The following RIMS1 variants were observed in gnomAD, a reference collection of about 807,000 sequenced individuals.
RIMS1 encodes the protein regulating synaptic membrane exocytosis protein 1.
In RIMS1, 83 loss-of-function variants were observed where a neutral mutation model predicts 214.1. The ratio of observed to expected loss-of-function variants is 0.39; its 90% CI spans 0.32 to 0.47. The LOEUF is 0.47. Ranked by LOEUF, RIMS1 falls within the 20% of genes least tolerant of loss-of-function variation. The probability of loss-of-function intolerance (pLI) is 0.99; values close to 1 mark genes in which losing one functional copy is unlikely to be tolerated. For synonymous variants in RIMS1, 793 were observed against 786.8 expected, an observed-to-expected ratio of 1.01 and a Z score of -0.13; for missense variants, 2,050 against 2,161.8, an observed-to-expected ratio of 0.95 and a Z score of 1.03.
At position 71,979,436 on chromosome 6, in the gene RIMS1, C is replaced by T. The variant is rs185562997; in HGVS notation, c.245+10373C>T. Among the ~76,000 whole-genome samples, 5 of 152,154 alleles carry T rather than the reference C, an allele frequency of 3.3e-5. No homozygotes were observed. In the East Asian group the frequency reaches 9.7e-4, roughly 29 times the overall value. ...AGGGGAAGATAACTGAACTCTAGAC[C>T]TGAAAATCCGTGAAATTTTAGTCAT... is the stretch of plus-strand genomic sequence containing the variant. On this transcript the variant is annotated intron_variant, in intron 2 of 33. Transcript: ENST00000521978.
chr6:72,289,207 A>G lies in RIMS1; in HGVS notation c.3555-1472A>G, dbSNP rs80023919. ...GAAATTTCTCAGTACTAAGGTGAAA[A>G]CTGTATAATTCCATTTGCGAGCCAC... On this transcript the variant is annotated intron_variant, in intron 24 of 33. Transcript: ENST00000521978. 2.9e-3 allele frequency among the ~76,000 whole-genome samples: 436 copies of G among 152,278 alleles called. 2 individuals carry two copies. Among genetic ancestry groups the G allele is most frequent in the African/African-American group, 0.01 (426 of 41,554 alleles).
At chr6:72,020,922 T>C (rs1468451324) in intron 2 of RIMS1, among the ~76,000 whole-genome samples, 3 of 152,244 alleles carry the variant, frequency 2.0e-5, no homozygotes, top group Non-Finnish European at 1.5e-5. Flanking sequence ...TCTTTTAATA[T>C]GTTATCACTG....
At chr6:72,259,566 T>TATTA (rs2077128471) in intron 18 of RIMS1, among the ~76,000 whole-genome samples, 1 of 152,158 alleles carries the variant, frequency 6.6e-6, no homozygotes, top group South Asian at 2.1e-4. Flanking sequence ...ATAATAATGT[T>TATTA]TCTGTTATAT....
At chr6:71,963,589 T>C (rs943597317) in intron 1 of RIMS1, among the ~76,000 whole-genome samples, 1 of 152,174 alleles carries the variant, frequency 6.6e-6, no homozygotes, top group Non-Finnish European at 1.5e-5. Flanking sequence ...TTTCACTGGT[T>C]CAAAGCAGTA....
At chr6:71,998,372 A>G (rs754293370) in intron 2 of RIMS1, among the ~76,000 whole-genome samples, 1 of 152,076 alleles carries the variant, frequency 6.6e-6, no homozygotes, top group Non-Finnish European at 1.5e-5. Flanking sequence ...GCAGCGCTAG[A>G]GCAGCACTGT....
intron 1 of RIMS1, among the ~76,000 whole-genome samples, chr6:71,945,603 A>G (rs963305457): frequency 2.0e-5 from 3 of 152,154 alleles, no homozygotes; most frequent in Non-Finnish European, 4.4e-5. Flanking sequence ...CTAAGATCAG[A>G]AACAAGACAA....
chr6:72,148,230 A>C (rs2043009750), intron 4 of RIMS1, among the ~76,000 whole-genome samples: 1 of 152,184 alleles, frequency 6.6e-6, no homozygotes, highest in Non-Finnish European at 1.5e-5. Context: ...AAAAGGAAAA[A>C]GAAAGCATTT....
rs70994109 is a variant in RIMS1 at position 71,992,404 on chromosome 6, C to CTCTTTCTTTCTTTCTTTCTT, written c.245+23369_245+23388dup. Among the ~76,000 whole-genome samples the CTCTTTCTTTCTTTCTTTCTT allele has an allele frequency of 3.7e-3, 410 of 110,150 alleles. 1 individual carries two copies. Among genetic ancestry groups the CTCTTTCTTTCTTTCTTTCTT allele is most frequent in the Middle Eastern group, 0.028 (6 of 218 alleles). The allele number at this position is 110,150 out of a possible 152,430, so 72.3% of individuals were successfully genotyped here. On this transcript the variant is annotated intron_variant, in intron 2 of 33. Coordinates refer to ENST00000521978, the MANE Select transcript of RIMS1 (RefSeq NM_014989.7). ...TGCTTGCTTCTTTCTTTCTCTCTCTCTCTTTCTTTCTTTCTTTCTTTCTTT... is the reference window on the plus strand; with the variant it reads ...TGCTTGCTTCTTTCTTTCTCTCTCTCTCTTTCTTTCTTTCTTTCTTTCTTTCTTTCTTTCTTTCTTTCTTT...
At chr6:72,184,763 GA>G (rs397967233) in intron 6 of RIMS1, among the ~76,000 whole-genome samples, 1,375 of 137,272 alleles carry the variant, frequency 0.01, 10 homozygotes, top group African/African-American at 0.025. Flanking sequence ...TTTATTCTGG[GA>G]AAAAAAAAAA....
Position 72,093,228 on chromosome 6 carries a change from A to ATATAT in RIMS1, c.246-3721_246-3720insTATAT, listed in dbSNP as rs200655727. Among the ~76,000 whole-genome samples the ATATAT allele has an allele frequency of 2.0e-4, 27 of 137,034 alleles. 2 individuals are homozygous for ATATAT. Among genetic ancestry groups the ATATAT allele is most frequent in the South Asian group, 7.0e-4 (3 of 4,268 alleles). 89.9% of individuals were successfully genotyped at this position (137,034 alleles called of 152,430 possible). On this transcript the variant is annotated intron_variant, in intron 2 of 33. Transcript: ENST00000521978. ...TATGTGAGTATATATATATATATATAAAAACATGTGTGTATATATGTATAT... is the reference window on the plus strand; with the variant it reads ...TATGTGAGTATATATATATATATATATATATAAAACATGTGTGTATATATGTATAT...
chr6:72,250,968 C>A lies in RIMS1; in HGVS notation c.2420C>A (p.Pro807Gln). The A allele has an allele frequency of 1.3e-6, 2 of 1,541,490 alleles. No individual in the cohort carries two copies. Among genetic ancestry groups the A allele is most frequent in the African/African-American group, 1.4e-5 (1 of 72,568 alleles). Residue 807 changes from proline to glutamine, a missense_variant, in exon 14 of 34, where the codon CCA (proline) becomes CAA (glutamine). Physicochemically the swap from Pro to Gln is moderately conservative, Grantham distance 76. Transcript: ENST00000521978. ...AAAACAGTAAAGAAAATACTAGAAC[C>A]AAAATGGAATCAAACTTTTGTCTAT... is the stretch of plus-strand genomic sequence containing the variant. ...RTKTVKKILEPKWNQTFVYSH... is the reference protein window; with the variant it reads ...RTKTVKKILEQKWNQTFVYSH...
At chr6:72,228,152 A>T (rs1479300431) in intron 6 of RIMS1, among the ~76,000 whole-genome samples, 1 of 151,944 alleles carries the variant, frequency 6.6e-6, no homozygotes, top group Non-Finnish European at 1.5e-5. Context: ...CTTTTTTGTA[A>T]TAAGAACACT....
Position 71,969,015 on chromosome 6 carries a change from C to T in RIMS1, c.197C>T (p.Ala66Val). 6.2e-7 allele frequency: 1 copy of T among 1,614,002 alleles called. No homozygotes were observed. The highest frequency in any genetic ancestry group is 2.2e-5 in the East Asian group (1 of 44,888). ...GTCAGGGACATGGCGAAGCCTGCTGCCTGCAAAACACCAAGAAATGCTGAA... is the reference window on the plus strand; with the variant it reads ...GTCAGGGACATGGCGAAGCCTGCTGTCTGCAAAACACCAAGAAATGCTGAA... ...CVVRDMAKPAACKTPRNAENQ... is the reference protein window; with the variant it reads ...CVVRDMAKPAVCKTPRNAENQ... The change falls in exon 2 of 34, where the codon GCC (alanine) becomes GTC (valine). Residue 66 changes from alanine (A) to valine (V), a missense_variant. Ala to Val is a moderately conservative substitution (Grantham distance 64). This residue lies in a region of RIMS1 where 882 missense variants were observed against 828.9 expected (regional missense o/e 1.06). Coordinates refer to ENST00000521978, the MANE Select transcript of RIMS1 (RefSeq NM_014989.7).
At chr6:72,154,257 CCTT>C (rs1382841900) in intron 4 of RIMS1, among the ~76,000 whole-genome samples, 3 of 140,720 alleles carry the variant, frequency 2.1e-5, no homozygotes, top group African/African-American at 7.4e-5. Flanking sequence ...GTTTTTGGCT[CCTT>C]CTATGAAGGA....
chr6:72,352,660 A>G (rs943969849), intron 29 of RIMS1, among the ~76,000 whole-genome samples: 4 of 152,168 alleles, frequency 2.6e-5, no homozygotes, highest in African/African-American at 7.2e-5. Flanking sequence ...CAGGTTCTTT[A>G]CATGTTATGC....
At chr6:72,338,973 T>C (rs891037211) in intron 29 of RIMS1, among the ~76,000 whole-genome samples, 4 of 151,772 alleles carry the variant, frequency 2.6e-5, no homozygotes, top group African/African-American at 4.8e-5. Flanking sequence ...CTAGGCATCA[T>C]GCCAAGGCAC....
chr6:72,381,444 A>G (rs1459479961), intron 29 of RIMS1, among the ~76,000 whole-genome samples: 2 of 152,240 alleles, frequency 1.3e-5, no homozygotes, highest in Non-Finnish European at 2.9e-5. Flanking sequence ...TGTGAAATCA[A>G]ACAATTTACA....
At chr6:72,011,699 C>G (rs1275424332) in intron 2 of RIMS1, among the ~76,000 whole-genome samples, 1 of 152,182 alleles carries the variant, frequency 6.6e-6, no homozygotes, top group Non-Finnish European at 1.5e-5. Flanking sequence ...CAAAAGAAGA[C>G]ATTTATGCAG....
intron 1 of RIMS1, among the ~76,000 whole-genome samples, chr6:71,952,204 TG>T (rs1216354966): frequency 6.6e-6 from 1 of 152,172 alleles, no homozygotes; most frequent in Non-Finnish European, 1.5e-5. Context: ...TACCTCCCAC[TG>T]CTCCCACTTC....
Sources: gnomAD v4.1 joint callset for allele counts (sites outside exome capture counted in the v4.1 genomes callset) on GRCh38, gnomAD v4.1.1 for gene constraint, gnomAD v4.1.1 regional missense constraint, MANE v1.5 for transcripts, NCBI Gene and HGNC (gene_info 2026-07-23, HGNC 2026-07-21) for gene names.